Variants in RIMS2 observed in about 807,000 individuals in gnomAD.
RIMS2 encodes the protein regulating synaptic membrane exocytosis 2.
A neutral mutation model predicts 174.4 loss-of-function variants in RIMS2; 59 were observed. That is an observed-to-expected ratio of 0.34 (90% CI 0.27 to 0.42). The LOEUF (loss-of-function observed/expected upper bound fraction) is 0.42, where lower values mean the gene tolerates loss of function less well. Ranked by LOEUF, RIMS2 falls within the 10% of genes least tolerant of loss-of-function variation. The pLI, the probability that RIMS2 is intolerant of heterozygous loss-of-function variation, is 1.00. For missense variants in RIMS2, 1,620 were observed against 1,666.3 expected, an observed-to-expected ratio of 0.97 and a Z score of 0.48; for synonymous variants, 606 against 572.5, an observed-to-expected ratio of 1.06 and a Z score of -0.84.
At chr8:103,744,925 T>C (rs1050793671) in intron 2 of RIMS2, among the ~76,000 whole-genome samples, 3 of 152,210 alleles carry the variant, frequency 2.0e-5, no homozygotes, top group African/African-American at 4.8e-5. Context: ...TTGCATCAAA[T>C]GTTGGGCTCA....
At chr8:103,841,897 G>A (rs2098941848) in intron 3 of RIMS2, among the ~76,000 whole-genome samples, 2 of 151,992 alleles carry the variant, frequency 1.3e-5, no homozygotes, top group African/African-American at 4.8e-5. Context: ...AGAGGTTGCA[G>A]TGAGCCAAGA....
chr8:104,028,128 T>TAA (rs1286666282), intron 19 of RIMS2, among the ~76,000 whole-genome samples: 1 of 141,148 alleles, frequency 7.1e-6, no homozygotes, highest in African/African-American at 2.7e-5. Flanking sequence ...ATAGAATCTC[T>TAA]AAAAAAAAAA....
intron 2 of RIMS2, among the ~76,000 whole-genome samples, chr8:103,736,108 T>C (rs11779043): frequency 0.23 from 34,962 of 152,104 alleles, 4,305 homozygotes; most frequent in Non-Finnish European, 0.25. Context: ...GCAGCTCAGC[T>C]TTTCATTTAA....
chr8:103,601,940 T>G (rs549102903), intron 1 of RIMS2, among the ~76,000 whole-genome samples: 1 of 152,300 alleles, frequency 6.6e-6, no homozygotes, highest in Non-Finnish European at 1.5e-5. Flanking sequence ...ATAAAAATTC[T>G]AGCCTTTAAC....
At chr8:104,248,508 G>A (rs1478583462) in intron 20 of RIMS2, among the ~76,000 whole-genome samples, 193 bp from the exon 27 acceptor site, 1 of 152,178 alleles carries the variant, frequency 6.6e-6, no homozygotes, top group Non-Finnish European at 1.5e-5. Context: ...GGTGCTTCTG[G>A]TGTCATACTT....
At chr8:103,749,874 A>T (rs2097863890) in intron 2 of RIMS2, among the ~76,000 whole-genome samples, 1 of 152,180 alleles carries the variant, frequency 6.6e-6, no homozygotes, top group Non-Finnish European at 1.5e-5. Context: ...AAAGTAAATT[A>T]GTCATTGGGA....
At chr8:103,884,733 A>T (rs777296699) in intron 3 of RIMS2, among the ~76,000 whole-genome samples, 1 of 151,902 alleles carries the variant, frequency 6.6e-6, no homozygotes, top group Non-Finnish European at 1.5e-5. Flanking sequence ...ATCAATAAAA[A>T]AGGGTTGGAG....
intron 1 of RIMS2, among the ~76,000 whole-genome samples, chr8:103,632,427 G>T (rs1293305464): frequency 6.6e-6 from 1 of 152,060 alleles, no homozygotes; most frequent in African/African-American, 2.4e-5. Context: ...CATATTTATT[G>T]ATTGCTTTTT....
exon 1 of RIMS2, chr8:103,500,985 G>A (rs866013254): frequency 1.2e-6 from 2 of 1,611,232 alleles, no homozygotes; most frequent in Middle Eastern, 1.8e-4. Flanking sequence ...GCCACCTCAC[G>A]GAGGAGGAGA....
intron 19 of RIMS2, among the ~76,000 whole-genome samples, chr8:104,105,172 C>T (rs2098019502): frequency 6.6e-6 from 1 of 151,878 alleles, no homozygotes; most frequent in Non-Finnish European, 1.5e-5. Flanking sequence ...CCATTAGATA[C>T]CAGAAAGGGA....
At chr8:104,106,887 A>G (rs947755420) in intron 19 of RIMS2, among the ~76,000 whole-genome samples, 1 of 152,220 alleles carries the variant, frequency 6.6e-6, no homozygotes, top group Non-Finnish European at 1.5e-5. Flanking sequence ...AAAAGTTTGA[A>G]ATAAAATAAC....
chr8:104,242,253 C>G (rs1027905362), intron 19 of RIMS2, among the ~76,000 whole-genome samples: 5 of 151,930 alleles, frequency 3.3e-5, no homozygotes, highest in African/African-American at 1.2e-4. Flanking sequence ...TTTCCTACAC[C>G]ATTTGAAAGT....
intron 1 of RIMS2, among the ~76,000 whole-genome samples, chr8:103,587,567 A>G (rs1324443064): frequency 2.0e-5 from 3 of 152,104 alleles, no homozygotes; most frequent in Admixed American, 2.0e-4. Context: ...ATCATTCCTC[A>G]TGACAAAATG....
intron 15 of RIMS2, among the ~76,000 whole-genome samples, chr8:103,967,170 GTTTTTTTTTTT>G (rs71575988): frequency 1.4e-3 from 36 of 24,960 alleles, no homozygotes; most frequent in South Asian, 6.7e-3. Flanking sequence ...ATCTGTTCTT[GTTTTTTTTTTT>G]TTTTTTTTTT....
At chr8:103,616,900 A>G (rs1219913760) in intron 1 of RIMS2, among the ~76,000 whole-genome samples, 1 of 152,202 alleles carries the variant, frequency 6.6e-6, no homozygotes, top group Non-Finnish European at 1.5e-5. Context: ...AAAACATCCC[A>G]TGTTCATGGA....
intron 3 of RIMS2, among the ~76,000 whole-genome samples, chr8:103,796,898 A>T (rs1249302435): frequency 1.3e-5 from 2 of 152,214 alleles, no homozygotes. Flanking sequence ...GAGTGGTACA[A>T]CTTGGAGTTC....
intron 12 of RIMS2, among the ~76,000 whole-genome samples, chr8:103,934,141 G>A (rs1312643018): frequency 6.6e-6 from 1 of 151,890 alleles, no homozygotes; most frequent in African/African-American, 2.4e-5. Flanking sequence ...TTTGCATGCT[G>A]TTACTAAATT....
chr8:103,927,913 G>T (rs2079090180), intron 11 of RIMS2: 2 of 1,595,374 alleles, frequency 1.3e-6, no homozygotes, highest in South Asian at 2.3e-5. Flanking sequence ...CTGCCTGATA[G>T]AAACTAAAGT....
At chr8:103,592,688 T>C (rs1478989405) in intron 1 of RIMS2, among the ~76,000 whole-genome samples, 1 of 151,394 alleles carries the variant, frequency 6.6e-6, no homozygotes, top group Non-Finnish European at 1.5e-5. Flanking sequence ...GTTTTTTATA[T>C]TTACATCTGG....
Sources: gnomAD v4.1 joint callset for allele counts (sites outside exome capture counted in the v4.1 genomes callset) on GRCh38, gnomAD v4.1.1 for gene constraint, MANE v1.5 for transcripts, NCBI Gene and HGNC (gene_info 2026-07-23, HGNC 2026-07-21) for gene names.